The following TFPI variants were observed in gnomAD, a reference collection of about 807,000 sequenced individuals.
TFPI encodes the protein anti-convertin.
TFPI carries 15 observed loss-of-function variants against 34.6 expected under a neutral mutation model. The observed-to-expected ratio is 0.43, with a 90% confidence interval of 0.29 to 0.67. The LOEUF is 0.67. Among genes scored for constraint, TFPI ranks in the 30% least tolerant of loss-of-function variants. The pLI is 0.15. For synonymous variants in TFPI, 105 were observed against 120.1 expected, an observed-to-expected ratio of 0.87 and a Z score of 0.82; for missense variants, 301 against 364.0, an observed-to-expected ratio of 0.83 and a Z score of 1.41.
In TFPI at chr2:187,509,648, T is replaced by C. The variant is rs552543001; in HGVS notation, c.-2-5878A>G. Among the ~76,000 whole-genome samples, 41 of 152,308 alleles carry C rather than the reference T, an allele frequency of 2.7e-4. 1 individual carries two copies. The South Asian group carries it at 7.5e-3, about 28-fold the overall frequency. On this transcript the variant is annotated intron_variant, in intron 1 of 7. Coordinates refer to ENST00000233156, the MANE Select transcript of TFPI (RefSeq NM_006287.6). ...CTGTGGGATCAGTGGTGATATCCCC[T>C]TTATCATTTTTTATTGTGTCTATTT...
chr2:187,466,068 C>G lies in TFPI; in HGVS notation c.*868G>C, dbSNP rs188375191. On this transcript the variant is annotated 3_prime_UTR_variant, in exon 8 of 8. Coordinates refer to ENST00000233156, the MANE Select transcript of TFPI (RefSeq NM_006287.6). The stretch of plus-strand genomic sequence containing the variant: ...CATGAATTATTAGTTGCATTGTGTG[C>G]AAATCCTAATGATAACTGAATAGAT... The G allele has an allele frequency of 2.6e-5, 4 of 152,204 alleles. No individual in the cohort carries two copies. The East Asian group carries it at 7.7e-4, about 29-fold the overall frequency. 9.4% of individuals were successfully genotyped at this position (152,204 alleles called of 1,614,324 possible). A position where few individuals can be genotyped will look rare whatever the true frequency, so the allele number is the denominator to read the frequency against.
intron 1 of TFPI, among the ~76,000 whole-genome samples, chr2:187,552,820 T>C (rs1689140870): frequency 6.6e-6 from 1 of 152,096 alleles, no homozygotes; most frequent in South Asian, 2.1e-4. Flanking sequence ...TCACTTGAAG[T>C]AGAAAAACTT....
At chr2:187,500,056 T>G (rs1048851110) in intron 2 of TFPI, among the ~76,000 whole-genome samples, 1 of 152,202 alleles carries the variant, frequency 6.6e-6, no homozygotes, top group Non-Finnish European at 1.5e-5. Flanking sequence ...ATTATCAAGC[T>G]AAATCTTTTT....
intron 1 of TFPI, chr2:187,517,546 G>C (rs1687091013): frequency 6.6e-6 from 1 of 152,166 alleles, no homozygotes; most frequent in African/African-American, 2.4e-5. Context: ...TTGCTGAGGA[G>C]TGTTTTACAT....
At chr2:187,478,713 A>G in intron 6 of TFPI, 1 of 1,613,762 alleles carries the variant, frequency 6.2e-7, no homozygotes, top group Non-Finnish European at 8.5e-7. Flanking sequence ...TCCTAGAAAG[A>G]ACATGGATGC....
chr2:187,527,672 C>T (rs532170122), intron 1 of TFPI, among the ~76,000 whole-genome samples: 39 of 152,106 alleles, frequency 2.6e-4, no homozygotes, highest in Non-Finnish European at 5.3e-4. Flanking sequence ...GTAAATTTGG[C>T]TGTATGCTGA....
chr2:187,548,564 G>A (rs1043950128), intron 1 of TFPI, among the ~76,000 whole-genome samples: 3 of 152,032 alleles, frequency 2.0e-5, no homozygotes, highest in African/African-American at 4.8e-5. Context: ...TTTTACAAAA[G>A]AGGTTTCCAG....
intron 1 of TFPI, among the ~76,000 whole-genome samples, chr2:187,506,888 C>G (rs993310030): frequency 6.6e-6 from 1 of 151,846 alleles, no homozygotes; most frequent in Non-Finnish European, 1.5e-5. Flanking sequence ...TACTTTCTAC[C>G]CCTACCTTTC....
At chr2:187,506,437 G>T (rs1235309671) in intron 1 of TFPI, among the ~76,000 whole-genome samples, 2 of 152,048 alleles carry the variant, frequency 1.3e-5, no homozygotes, top group African/African-American at 4.8e-5. Flanking sequence ...TTAGTATGGT[G>T]CACTTATCGT....
chr2:187,534,685 C>T (rs751130825), intron 1 of TFPI, among the ~76,000 whole-genome samples: 15 of 152,070 alleles, frequency 9.9e-5, no homozygotes, highest in Non-Finnish European at 2.1e-4. Context: ...AACCAGCTAG[C>T]ATCATAATGA....
chr2:187,544,536 G>A (rs1442685462), intron 1 of TFPI: 2 of 150,272 alleles, frequency 1.3e-5, no homozygotes, highest in African/African-American at 4.9e-5. Flanking sequence ...TTGACTAAAT[G>A]TTTACTAAAA....
chr2:187,487,900 T>C (rs116399215), intron 4 of TFPI, among the ~76,000 whole-genome samples: 1,600 of 151,510 alleles, frequency 0.011, 23 homozygotes, highest in African/African-American at 0.037. Context: ...TTGATTAGAT[T>C]AACAAGTGAT....
chr2:187,529,710 C>T (rs1465607015), intron 1 of TFPI, among the ~76,000 whole-genome samples: 2 of 152,184 alleles, frequency 1.3e-5, no homozygotes, highest in Non-Finnish European at 2.9e-5. Flanking sequence ...GTGTCTCTAA[C>T]TTGGTTGCAA....
At chr2:187,531,449 G>A (rs565648524) in intron 1 of TFPI, among the ~76,000 whole-genome samples, 6 of 152,158 alleles carry the variant, frequency 3.9e-5, no homozygotes, top group Admixed American at 1.3e-4. Flanking sequence ...TCTTTTTACA[G>A]TTATTACAAG....
intron 6 of TFPI, among the ~76,000 whole-genome samples, chr2:187,479,587 ATATG>A (rs1248312922): frequency 1.5e-5 from 2 of 131,176 alleles, no homozygotes; most frequent in Non-Finnish European, 3.3e-5. Flanking sequence ...ATATATATAT[ATATG>A]ATTTAAAAAT....
At chr2:187,522,777 A>G (rs1011011848) in intron 1 of TFPI, among the ~76,000 whole-genome samples, 4 of 150,806 alleles carry the variant, frequency 2.7e-5, no homozygotes, top group African/African-American at 7.3e-5. Flanking sequence ...TGTAGTCCCA[A>G]CTACTCGGGA....
chr2:187,489,076 A>G (rs1490953248), intron 3 of TFPI, among the ~76,000 whole-genome samples: 1 of 151,478 alleles, frequency 6.6e-6, no homozygotes, highest in Admixed American at 6.6e-5. Flanking sequence ...AGACATTAGG[A>G]AAGTTGAGTG....
intron 3 of TFPI, among the ~76,000 whole-genome samples, chr2:187,495,612 A>AC (rs1268558807): frequency 6.6e-6 from 1 of 152,182 alleles, no homozygotes; most frequent in Non-Finnish European, 1.5e-5. Context: ...TAAACATCTT[A>AC]CAGAGCCACA....
At chr2:187,503,577 A>G in intron 2 of TFPI, 71 bp downstream of exon 2, 2 of 1,546,824 alleles carry the variant, frequency 1.3e-6, no homozygotes, top group Non-Finnish European at 1.8e-6. Context: ...ATGGAAAACT[A>G]TGGTAGATTT....
Sources: allele counts gnomAD v4.1 joint callset (sites outside exome capture counted in the v4.1 genomes callset), GRCh38; gene constraint gnomAD v4.1.1; transcripts MANE v1.5; gene names NCBI Gene and HGNC (gene_info 2026-07-23, HGNC 2026-07-21).